Variants in AGTPBP1 observed in about 807,000 individuals in gnomAD.
AGTPBP1 encodes the protein ATP/GTP binding carboxypeptidase 1, also known as cytosolic carboxypeptidase 1.
AGTPBP1 carries 70 observed loss-of-function variants against 143.9 expected under a neutral mutation model. The observed-to-expected ratio is 0.49, with a 90% CI of 0.40 to 0.59. The LOEUF is 0.59. Among genes scored for constraint, AGTPBP1 ranks in the 20% least tolerant of loss-of-function variants. The pLI is 0.00. For missense variants in AGTPBP1, 1,229 were observed against 1,464.5 expected (o/e 0.84, Z 2.62); for synonymous variants, 463 against 500.2 (o/e 0.93, Z 0.99).
At chr9:85,796,881 G>C in the AGTPBP1 span, among the ~76,000 whole-genome samples, 5 of 152,182 alleles carry the variant, frequency 3.3e-5, no homozygotes, top group South Asian at 1.0e-3. Flanking sequence ...CCGCCTCCCT[G>C]GTTCAAGCGA....
chr9:85,758,907 A>G, the AGTPBP1 span, among the ~76,000 whole-genome samples: 2 of 152,174 alleles, frequency 1.3e-5, no homozygotes, highest in Admixed American at 6.6e-5. Flanking sequence ...ATAGGCTCAA[A>G]ATAAAGGGAT....
chr9:85,799,332 T>G, the AGTPBP1 span, among the ~76,000 whole-genome samples: 1 of 152,184 alleles, frequency 6.6e-6, no homozygotes, highest in Non-Finnish European at 1.5e-5. Context: ...TTACAATTCT[T>G]TGGGTATATA....
the AGTPBP1 span, chr9:85,805,278 C>T: frequency 2.0e-5 from 3 of 152,186 alleles, no homozygotes; most frequent in African/African-American, 7.2e-5. Flanking sequence ...CCCGCCCCCG[C>T]CCCGAGGCTC....
At chr9:85,579,184 A>G in intron 23 of AGTPBP1, 88 bp from the exon 24 acceptor site, 1 of 1,319,172 alleles carries the variant, frequency 7.6e-7, no homozygotes, top group South Asian at 1.4e-5. Context: ...ATGAAAACAC[A>G]GTAATTAGAG....
intron 3 of AGTPBP1, among the ~76,000 whole-genome samples, chr9:85,686,527 A>T (rs1835497641): frequency 6.6e-6 from 1 of 152,106 alleles, no homozygotes; most frequent in African/African-American, 2.4e-5. Context: ...AGAAAACTTA[A>T]TTCCACCCCC....
intron 17 of AGTPBP1, among the ~76,000 whole-genome samples, chr9:85,608,829 A>G (rs1337945765): frequency 6.6e-6 from 1 of 152,112 alleles, no homozygotes; most frequent in Non-Finnish European, 1.5e-5. Flanking sequence ...AACAAAATGA[A>G]AAAAACAAAC....
chr9:85,578,801 A>G (rs1587668838), intron 24 of AGTPBP1, 119 bp downstream of exon 24: 3 of 1,018,720 alleles, frequency 2.9e-6, no homozygotes, highest in Non-Finnish European at 2.8e-6. Flanking sequence ...CCATTATTAC[A>G]TATTACATGT....
In AGTPBP1 at chr9:85,556,026, A is replaced by G. The variant is rs372020504; in HGVS notation, c.3504-8740T>C. On this transcript the variant is annotated intron_variant, in intron 25 of 25. Transcript: ENST00000357081. ...CAGAAAGGATCAGAAAAAAATAACT[A>G]TTGGGAACTAGTCTTAGTACCCAGG... is the stretch of plus-strand genomic sequence containing the variant. Among the ~76,000 whole-genome samples the G allele has an allele frequency of 2.6e-5, 4 of 152,272 alleles. No homozygotes were observed. In the East Asian group the frequency reaches 7.7e-4, roughly 29 times the overall value.
chr9:85,726,425 A>G (rs760903549), intron 1 of AGTPBP1, among the ~76,000 whole-genome samples: 7 of 152,230 alleles, frequency 4.6e-5, no homozygotes, highest in Non-Finnish European at 5.9e-5. Context: ...ATACATTAAC[A>G]TCTGTGTTTT....
the AGTPBP1 span, among the ~76,000 whole-genome samples, chr9:85,778,401 T>A: frequency 6.6e-6 from 1 of 152,196 alleles, no homozygotes; most frequent in Admixed American, 6.6e-5. Flanking sequence ...AGGCCTCCAC[T>A]GTGATTCACC....
At chr9:85,645,467 C>G (rs763215190) in intron 12 of AGTPBP1, among the ~76,000 whole-genome samples, 1 of 152,116 alleles carries the variant, frequency 6.6e-6, no homozygotes, top group Non-Finnish European at 1.5e-5. Context: ...TTGACAGTTT[C>G]GCCAAAGCTT....
At chr9:85,571,917 C>G (rs574530278) in intron 25 of AGTPBP1, among the ~76,000 whole-genome samples, 2 of 149,998 alleles carry the variant, frequency 1.3e-5, no homozygotes, top group African/African-American at 4.9e-5. Flanking sequence ...ACTAGTTTGC[C>G]TACATCAATA....
intron 19 of AGTPBP1, among the ~76,000 whole-genome samples, chr9:85,590,505 G>A (rs1828891714): frequency 6.6e-6 from 1 of 152,066 alleles, no homozygotes. Flanking sequence ...TATTCAGTTG[G>A]TTTTCAAACT....
chr9:85,591,255 A>G (rs1415028947), intron 19 of AGTPBP1, among the ~76,000 whole-genome samples: 2 of 152,072 alleles, frequency 1.3e-5, no homozygotes, highest in Non-Finnish European at 2.9e-5. Context: ...CTTCACACAA[A>G]GGGCAAGGGA....
intron 25 of AGTPBP1, among the ~76,000 whole-genome samples, chr9:85,570,341 A>G (rs1827381913): frequency 6.6e-6 from 1 of 152,210 alleles, no homozygotes; most frequent in East Asian, 1.9e-4. Flanking sequence ...CTGAAACCAC[A>G]GAAAGTGAAG....
intron 3 of AGTPBP1, among the ~76,000 whole-genome samples, chr9:85,681,726 G>A (rs1835187368): frequency 6.7e-6 from 1 of 149,458 alleles, no homozygotes; most frequent in African/African-American, 2.5e-5. Flanking sequence ...ATTTTCCAAT[G>A]CTATGATTGC....
intron 14 of AGTPBP1, among the ~76,000 whole-genome samples, chr9:85,631,610 C>T (rs1831681801): frequency 6.6e-6 from 1 of 152,134 alleles, no homozygotes; most frequent in Non-Finnish European, 1.5e-5. Context: ...ACTAAACATA[C>T]ACTAAGTTGC....
At chr9:85,682,766 G>C (rs1321830164) in intron 3 of AGTPBP1, among the ~76,000 whole-genome samples, 1 of 152,162 alleles carries the variant, frequency 6.6e-6, no homozygotes, top group Middle Eastern at 3.2e-3. Context: ...ACACAGATGG[G>C]AGAAAAACAA....
intron 20 of AGTPBP1, among the ~76,000 whole-genome samples, chr9:85,588,760 C>T (rs936873679): frequency 6.6e-5 from 10 of 151,962 alleles, no homozygotes; most frequent in East Asian, 5.8e-4. Context: ...ATGTAAAATT[C>T]GTTATTTAAT....
Sources: gnomAD v4.1 joint callset for allele counts (sites outside exome capture counted in the v4.1 genomes callset) on GRCh38, gnomAD v4.1.1 for gene constraint, MANE v1.5 for transcripts, NCBI Gene and HGNC (gene_info 2026-07-23, HGNC 2026-07-21) for gene names.